Variants in INSYN2A observed in about 807,000 individuals in gnomAD.
The protein encoded by INSYN2A is family with sequence similarity 196 member A.
In INSYN2A, 17 loss-of-function variants were observed where a neutral mutation model predicts 39.4. The ratio of observed to expected loss-of-function variants is 0.43; its 90% CI spans 0.30 to 0.65. The LOEUF (loss-of-function observed/expected upper bound fraction) is 0.65, where lower values mean the gene tolerates loss of function less well. INSYN2A is among the 30% of genes least tolerant of loss of function. INSYN2A has a pLI of 0.14. For missense variants in INSYN2A, 595 were observed against 631.2 expected (o/e 0.94, Z 0.61); for synonymous variants, 255 against 265.7 (o/e 0.96, Z 0.39).
chr10:127,182,933 C>G (rs1288313759), intron 2 of INSYN2A, among the ~76,000 whole-genome samples: 2 of 152,102 alleles, frequency 1.3e-5, no homozygotes, highest in Non-Finnish European at 2.9e-5. Context: ...TGGGGCCCAT[C>G]AGAGGCGGGA....
chr10:127,189,747 A>G (rs1473508224), intron 2 of INSYN2A, among the ~76,000 whole-genome samples: 1 of 152,228 alleles, frequency 6.6e-6, no homozygotes, highest in Admixed American at 6.5e-5. Context: ...ACGTTTGCAC[A>G]TGGCACATTA....
At chr10:127,146,479 A>G (rs2133378246) in intron 5 of INSYN2A, among the ~76,000 whole-genome samples, 1 of 152,306 alleles carries the variant, frequency 6.6e-6, no homozygotes, top group Middle Eastern at 3.4e-3. Context: ...TAGCTTTGGG[A>G]ATTTTCAAGA....
intron 4 of INSYN2A, among the ~76,000 whole-genome samples, chr10:127,171,329 G>A (rs1486535300): frequency 6.6e-6 from 1 of 152,216 alleles, no homozygotes; most frequent in African/African-American, 2.4e-5. Flanking sequence ...ACTCAATAGT[G>A]AAAAGAAGTC....
At chr10:127,161,323 G>GACTA (rs2053575929) in intron 4 of INSYN2A, among the ~76,000 whole-genome samples, 1 of 152,132 alleles carries the variant, frequency 6.6e-6, no homozygotes, top group African/African-American at 2.4e-5. Context: ...CAACTCCCAG[G>GACTA]ATCACCCCTT....
chr10:127,156,552 TCTTCTTCTTC>T (rs747083443), intron 4 of INSYN2A, among the ~76,000 whole-genome samples: 28 of 95,980 alleles, frequency 2.9e-4, no homozygotes, highest in African/African-American at 1.0e-3. Context: ...TTCTTCTTCT[TCTTCTTCTTC>T]TTTTTTTTTT....
Position 127,175,103 on chromosome 10 carries a change from T to C in INSYN2A, c.1184+109A>G. The C allele has an allele frequency of 4.2e-6, 4 of 963,022 alleles. No homozygotes were observed. Among genetic ancestry groups the C allele is most frequent in the Admixed American group, 2.2e-5 (1 of 44,682 alleles). 59.7% of individuals were successfully genotyped at this position (963,022 alleles called of 1,614,324 possible). ...CCACGCCCTTAGACTATGACCTGTT[T>C]ACGGAAATGCTGGCTTTAGTCTCAT... is the stretch of plus-strand genomic sequence containing the variant. On this transcript the variant is annotated intron_variant, in intron 4 of 5. Transcript: ENST00000522781. This position sits in a 1 kb window ranked among gnomAD's most constrained non-coding sequence, Gnocchi z 6.3.
At chr10:127,160,425 G>A (rs1215513633) in intron 4 of INSYN2A, among the ~76,000 whole-genome samples, 2 of 152,220 alleles carry the variant, frequency 1.3e-5, no homozygotes, top group African/African-American at 4.8e-5. Context: ...TCTGGTTGCA[G>A]AGTTCAGCAG....
chr10:127,194,793 G>A (rs537481153), intron 1 of INSYN2A, among the ~76,000 whole-genome samples: 1 of 152,100 alleles, frequency 6.6e-6, no homozygotes. Context: ...TGATCGTTTG[G>A]CTTCCCAGCC....
chr10:127,150,734 G>A (rs1397494226), intron 5 of INSYN2A, among the ~76,000 whole-genome samples: 4 of 152,228 alleles, frequency 2.6e-5, no homozygotes, highest in Non-Finnish European at 5.9e-5. Flanking sequence ...TGGATTCAGT[G>A]CTTTGGAAAG....
At chr10:127,165,280 T>A (rs1281834130) in intron 4 of INSYN2A, among the ~76,000 whole-genome samples, 1 of 152,250 alleles carries the variant, frequency 6.6e-6, no homozygotes, top group Admixed American at 6.5e-5. Context: ...AACTTATACA[T>A]CTTGGAGCTT....
chr10:127,161,213 C>T (rs1310137749), intron 4 of INSYN2A, among the ~76,000 whole-genome samples: 4 of 152,130 alleles, frequency 2.6e-5, no homozygotes, highest in Non-Finnish European at 4.4e-5. Flanking sequence ...CTCATGGAAA[C>T]GCAAGTACAT....
chr10:127,182,858 C>T (rs923282648), intron 2 of INSYN2A, among the ~76,000 whole-genome samples: 5 of 152,002 alleles, frequency 3.3e-5, no homozygotes, highest in Admixed American at 2.6e-4. Context: ...CCTTTAGTTA[C>T]GATAGCAGGT....
At chr10:127,163,087 GT>G (rs1225134835) in intron 4 of INSYN2A, among the ~76,000 whole-genome samples, 5 of 152,194 alleles carry the variant, frequency 3.3e-5, no homozygotes, top group African/African-American at 1.2e-4. Context: ...CCAGCACCTT[GT>G]TTGTGGCTCT....
At chr10:127,156,839 A>C (rs1326287213) in intron 4 of INSYN2A, among the ~76,000 whole-genome samples, 1 of 152,140 alleles carries the variant, frequency 6.6e-6, no homozygotes, top group African/African-American at 2.4e-5. Context: ...AAGTGTTGGG[A>C]TTACAGGCGT....
At chr10:127,190,295 A>G (rs2056624865) in intron 2 of INSYN2A, among the ~76,000 whole-genome samples, 1 of 152,180 alleles carries the variant, frequency 6.6e-6, no homozygotes, top group Admixed American at 6.5e-5. Context: ...AGTACTGTTC[A>G]GCCCTGGAAG....
At position 127,170,553 on chromosome 10, in the gene INSYN2A, C is replaced by T. The variant is rs551616537; in HGVS notation, c.1184+4659G>A. ...ACACTTCAAGAGACTAAATGTTTGGCGTAGGAAATCTAAGAGGCAAAGAGC... is the reference window on the plus strand; with the variant it reads ...ACACTTCAAGAGACTAAATGTTTGGTGTAGGAAATCTAAGAGGCAAAGAGC... On this transcript the variant is annotated intron_variant, in intron 4 of 5. Coordinates refer to ENST00000522781, the MANE Select transcript of INSYN2A (RefSeq NM_001039762.3). Among the ~76,000 whole-genome samples the T allele has an allele frequency of 1.1e-4, 17 of 152,282 alleles. 1 individual carries two copies. The East Asian group carries it at 1.7e-3, about 16-fold the overall frequency.
intron 4 of INSYN2A, among the ~76,000 whole-genome samples, chr10:127,158,281 A>G (rs977048623): frequency 6.6e-6 from 1 of 152,238 alleles, no homozygotes; most frequent in Non-Finnish European, 1.5e-5. Context: ...AGGAAGAACA[A>G]CCTAAAAACT....
chr10:127,176,595 T>C lies in INSYN2A; in HGVS notation c.-5-195A>G, dbSNP rs2055184779. ...AGCACAGCTTGAAATGCTTCTCAGA[T>C]ATTAAAGCCTGCTTGCTTTTCCAGG... is the stretch of plus-strand genomic sequence containing the variant. On this transcript the variant is annotated intron_variant, in intron 3 of 5. Coordinates refer to ENST00000522781, the MANE Select transcript of INSYN2A (RefSeq NM_001039762.3). This position sits in a 1 kb window ranked among gnomAD's most constrained non-coding sequence, Gnocchi z 4.4. Among the ~76,000 whole-genome samples, 1 of 152,196 alleles carries C rather than the reference T, an allele frequency of 6.6e-6. No homozygotes were observed. Among genetic ancestry groups the C allele is most frequent in the African/African-American group, 2.4e-5 (1 of 41,454 alleles).
chr10:127,171,613 G>C (rs543322012), intron 4 of INSYN2A, among the ~76,000 whole-genome samples: 2 of 152,312 alleles, frequency 1.3e-5, no homozygotes, highest in African/African-American at 4.8e-5. Flanking sequence ...GTGGCAAGTG[G>C]GGAGAGGAAC....
Sources: allele counts gnomAD v4.1 joint callset (sites outside exome capture counted in the v4.1 genomes callset), GRCh38; gene constraint gnomAD v4.1.1; non-coding constraint Gnocchi (gnomAD v3.1); transcripts MANE v1.5; gene names NCBI Gene and HGNC (gene_info 2026-07-23, HGNC 2026-07-21).